ESR1: variants seen among roughly 807,000 people sequenced by gnomAD.
ESR1 encodes estrogen receptor 1.
ESR1 carries 12 observed loss-of-function variants against 52.7 expected under a neutral mutation model. The ratio of observed to expected loss-of-function variants is 0.23; its 90% CI spans 0.15 to 0.37. The LOEUF (loss-of-function observed/expected upper bound fraction) is 0.37, where lower values mean the gene tolerates loss of function less well. ESR1 is among the 10% of genes least tolerant of loss of function. The pLI is 1.00. For missense variants in ESR1, 584 were observed against 779.7 expected (o/e 0.75, Z 2.99); for synonymous variants, 305 against 316.8 (o/e 0.96, Z 0.39).
At chr6:151,964,266 A>T (rs1217898227) in intron 4 of ESR1, among the ~76,000 whole-genome samples, 2 of 152,190 alleles carry the variant, frequency 1.3e-5, no homozygotes, top group Non-Finnish European at 2.9e-5. Context: ...TGGATAGCAT[A>T]GATTTTTTTT....
chr6:151,675,520 T>C (rs985917346), intron 1 of ESR1, among the ~76,000 whole-genome samples: 1 of 152,116 alleles, frequency 6.6e-6, no homozygotes, highest in Non-Finnish European at 1.5e-5. Context: ...CTGTTACTAC[T>C]ATTATAGGAA....
intron 4 of ESR1, among the ~76,000 whole-genome samples, chr6:151,971,172 T>C (rs1015442975): frequency 3.3e-5 from 5 of 152,202 alleles, no homozygotes; most frequent in African/African-American, 1.2e-4. Context: ...GAAATAATGA[T>C]GACTGATTTT....
At chr6:151,947,310 C>G (rs2035815707) in intron 4 of ESR1, among the ~76,000 whole-genome samples, 1 of 152,104 alleles carries the variant, frequency 6.6e-6, no homozygotes, top group Admixed American at 6.5e-5. Flanking sequence ...CAATGAGACT[C>G]TGTCTCTAAA....
rs181008734 is a variant in ESR1 at position 151,913,787 on chromosome 6, T to C, written c.761-30386T>C. 2.0e-5 allele frequency among the ~76,000 whole-genome samples: 3 copies of C among 152,322 alleles called. No homozygotes were observed. The East Asian group carries it at 5.8e-4, about 29-fold the overall frequency. ...AACATGTATCAGATCTTTTTTTTAA[T>C]GTACTGGGCTAAAAATTATAAGCAC... is the stretch of plus-strand genomic sequence containing the variant. On this transcript the variant is annotated intron_variant, in intron 3 of 7. Coordinates refer to ENST00000206249, the MANE Select transcript of ESR1 (RefSeq NM_000125.4).
intron 1 of ESR1, among the ~76,000 whole-genome samples, chr6:151,820,593 G>A (rs1009890016): frequency 1.3e-5 from 2 of 152,136 alleles, no homozygotes; most frequent in South Asian, 4.2e-4. Context: ...GGAGCTTAAG[G>A]TTTTAACCCA....
chr6:151,758,314 T>C (rs944036762), intron 2 of ESR1, among the ~76,000 whole-genome samples: 2 of 152,266 alleles, frequency 1.3e-5, no homozygotes, highest in African/African-American at 4.8e-5. Flanking sequence ...TTTTTATGTA[T>C]TTATTTAATA....
chr6:151,838,459 C>T (rs1353041215), intron 1 of ESR1, among the ~76,000 whole-genome samples: 4 of 152,134 alleles, frequency 2.6e-5, no homozygotes, highest in Non-Finnish European at 5.9e-5. Context: ...GACATGGACA[C>T]CTCCCAGTCT....
intron 4 of ESR1, among the ~76,000 whole-genome samples, chr6:151,975,152 C>T (rs2039317811): frequency 6.6e-6 from 1 of 152,148 alleles, no homozygotes; most frequent in African/African-American, 2.4e-5. Context: ...ATCTTTCAGT[C>T]CCTTCTGTCC....
At chr6:151,880,794 C>T (rs1562507612) in intron 3 of ESR1, 23 bp downstream of exon 3, 1 of 1,316,660 alleles carries the variant, frequency 7.6e-7, no homozygotes, top group South Asian at 1.2e-5. Context: ...CTCCCAGGGG[C>T]CCTTGGGGAT....
chr6:151,758,537 G>A (rs1290014741), intron 2 of ESR1, among the ~76,000 whole-genome samples: 1 of 152,018 alleles, frequency 6.6e-6, no homozygotes, highest in Non-Finnish European at 1.5e-5. Context: ...AAAGTGGGCG[G>A]ATCACCTGAG....
In ESR1 at chr6:152,098,943, G is replaced by C. The variant is rs2152507355; in HGVS notation, c.1765G>C (p.Glu589Gln). ...LQKYYITGEA[E>Q]GFPATV ...AAAGTATTACATCACGGGGGAGGCAGAGGGTTTCCCTGCCACGGTCTGAGA... is the reference window on the plus strand; with the variant it reads ...AAAGTATTACATCACGGGGGAGGCACAGGGTTTCCCTGCCACGGTCTGAGA... The change falls in exon 8 of 8, where the codon GAG becomes CAG. Residue 589 changes from glutamate to glutamine, a missense_variant. Glu to Gln is a conservative substitution (Grantham distance 29, BLOSUM62 2). Coordinates refer to ENST00000206249, the MANE Select transcript of ESR1 (RefSeq NM_000125.4). The surrounding 1 kb of genome is among the most constrained non-coding windows in gnomAD (Gnocchi z 5.1). The C allele has an allele frequency of 6.2e-7, 1 of 1,614,146 alleles. No homozygotes were observed. Among genetic ancestry groups the C allele is most frequent in the Non-Finnish European group, 8.5e-7 (1 of 1,179,990 alleles).
chr6:152,012,970 T>C (rs754720024), intron 5 of ESR1, among the ~76,000 whole-genome samples: 5 of 152,220 alleles, frequency 3.3e-5, no homozygotes, highest in Non-Finnish European at 7.3e-5. Context: ...TGTTGGTTAT[T>C]GTTTTGTCAT....
At position 151,807,749 on chromosome 6, in the gene ESR1, C is replaced by T; in HGVS notation, c.-164C>T. On this transcript the variant is annotated 5_prime_UTR_variant, in exon 1 of 8. Coordinates refer to ENST00000206249, the MANE Select transcript of ESR1 (RefSeq NM_000125.4). ...TCGGGTCGCCCGGCTTCACCGGACC[C>T]GCAGGCTCCCGGGGCAGGGCCGGGG... is the stretch of plus-strand genomic sequence containing the variant. 1.4e-6 allele frequency: 1 copy of T among 733,510 alleles called. No individual in the cohort carries two copies. Among genetic ancestry groups the T allele is most frequent in the Admixed American group, 2.1e-5 (1 of 48,088 alleles). The allele number at this position is 733,510 out of a possible 1,614,324, so 45.4% of individuals were successfully genotyped here. A position where few individuals can be genotyped will look rare whatever the true frequency, so the allele number is the denominator to read the frequency against.
At chr6:151,707,195 G>A (rs1780249722) in intron 2 of ESR1, among the ~76,000 whole-genome samples, 1 of 152,064 alleles carries the variant, frequency 6.6e-6, no homozygotes, top group African/African-American at 2.4e-5. Flanking sequence ...TTTTGCATAT[G>A]GTTGAATGCA....
At chr6:151,864,165 T>C (rs1224205908) in intron 2 of ESR1, among the ~76,000 whole-genome samples, 3 of 152,094 alleles carry the variant, frequency 2.0e-5, no homozygotes, top group Non-Finnish European at 2.9e-5. Flanking sequence ...ACCTACAGAA[T>C]GGGAGAAAAT....
At chr6:151,880,409 C>T (rs1792678271) in intron 2 of ESR1, among the ~76,000 whole-genome samples, 2 of 151,990 alleles carry the variant, frequency 1.3e-5, no homozygotes, top group Non-Finnish European at 2.9e-5. Flanking sequence ...TCTTGAACTC[C>T]TGACGTCGTG....
At chr6:151,936,941 A>G (rs927946322) in intron 3 of ESR1, among the ~76,000 whole-genome samples, 1 of 152,154 alleles carries the variant, frequency 6.6e-6, no homozygotes, top group Non-Finnish European at 1.5e-5. Context: ...AAGATTCACT[A>G]TGGATAAAAT....
chr6:151,942,652 A>G (rs945680108), intron 3 of ESR1, among the ~76,000 whole-genome samples: 10 of 151,214 alleles, frequency 6.6e-5, no homozygotes, highest in Non-Finnish European at 1.3e-4. Flanking sequence ...TATAAAACAT[A>G]TATATATTTC....
chr6:151,814,534 A>T (rs1779323884), intron 1 of ESR1, among the ~76,000 whole-genome samples: 1 of 152,154 alleles, frequency 6.6e-6, no homozygotes, highest in Admixed American at 6.5e-5. Flanking sequence ...AATTTGGAAC[A>T]GGGCTAAACA....
Sources: gnomAD v4.1 joint callset for allele counts (sites outside exome capture counted in the v4.1 genomes callset) on GRCh38, gnomAD v4.1.1 for gene constraint, Gnocchi (gnomAD v3.1) non-coding constraint, MANE v1.5 for transcripts, NCBI Gene and HGNC (gene_info 2026-07-23, HGNC 2026-07-21) for gene names.